The following CACNA2D1 variants were observed in gnomAD, a reference collection of about 807,000 sequenced individuals.
CACNA2D1 encodes calcium voltage-gated channel auxiliary subunit alpha2delta 1, also known as voltage-dependent calcium channel subunit alpha-2/delta-1.
Under a neutral mutation model 171.5 loss-of-function variants are expected in CACNA2D1, and 53 were observed. The ratio of observed to expected loss-of-function variants is 0.31; its 90% CI spans 0.25 to 0.39. The LOEUF (loss-of-function observed/expected upper bound fraction) is 0.39. CACNA2D1 is among the 10% of genes least tolerant of loss of function. The pLI is 1.00. For missense variants in CACNA2D1, 903 were observed against 1,299.8 expected, an observed-to-expected ratio of 0.69 and a Z score of 4.69; for synonymous variants, 442 against 443.1, an observed-to-expected ratio of 1.00 and a Z score of 0.03.
chr7:81,984,147 T>G (rs1796719427), intron 22 of CACNA2D1, among the ~76,000 whole-genome samples: 1 of 152,102 alleles, frequency 6.6e-6, no homozygotes, highest in African/African-American at 2.4e-5. Context: ...CAAAGACCAG[T>G]GCAATTTAAT....
rs869125211 is a variant in CACNA2D1 at position 82,111,444 on chromosome 7, A to AT, written c.526+5599dup. Among the ~76,000 whole-genome samples, 351 of 69,960 alleles carry AT rather than the reference A, an allele frequency of 5.0e-3. 17 individuals are homozygous for AT. Among genetic ancestry groups the AT allele is most frequent in the East Asian group, 0.011 (24 of 2,128 alleles). The allele number at this position is 69,960 out of a possible 152,430, so 45.9% of individuals were successfully genotyped here. A position where few individuals can be genotyped will look rare whatever the true frequency, so the allele number is the denominator to read the frequency against. On this transcript the variant is annotated intron_variant, in intron 6 of 38. Coordinates refer to ENST00000356860, the MANE Select transcript of CACNA2D1 (RefSeq NM_000722.4). Reference sequence around the variant, plus strand: ...TATATGTGTGTATATATATATATATATTTTTTTTTTTTTTTTTTTTTGAGA... The same window carrying AT: ...TATATGTGTGTATATATATATATATATTTTTTTTTTTTTTTTTTTTTTGAGA...
chr7:82,002,031 A>AAC (rs1217453809), intron 18 of CACNA2D1, among the ~76,000 whole-genome samples: 3 of 150,130 alleles, frequency 2.0e-5, no homozygotes, highest in Non-Finnish European at 4.4e-5. Context: ...CAAAAAAAAA[A>AAC]AAAAAAAAAA....
intron 28 of CACNA2D1, among the ~76,000 whole-genome samples, 174 bp downstream of exon 28, chr7:81,969,707 C>CAACTA (rs1274612019): frequency 6.6e-6 from 1 of 151,254 alleles, no homozygotes; most frequent in Admixed American, 6.6e-5. Flanking sequence ...TTTGCTTCTT[C>CAACTA]AACTAAATGA....
chr7:82,339,470 G>C (rs1291041594), intron 2 of CACNA2D1, among the ~76,000 whole-genome samples: 1 of 152,162 alleles, frequency 6.6e-6, no homozygotes, highest in Non-Finnish European at 1.5e-5. Flanking sequence ...TGAAATAGGA[G>C]CTCCCTTACA....
chr7:82,298,033 A>G (rs1585389007), intron 3 of CACNA2D1, among the ~76,000 whole-genome samples: 1 of 152,120 alleles, frequency 6.6e-6, no homozygotes, highest in East Asian at 2.0e-4. Flanking sequence ...TATGAAATAC[A>G]TCACTAACTA....
rs919583315 is a variant in CACNA2D1 at position 81,983,191 on chromosome 7, G to C, written c.1894+123C>G. 4 of 807,594 alleles carry C rather than the reference G, an allele frequency of 5.0e-6. No homozygotes were observed. In the Admixed American group the frequency reaches 8.8e-5, roughly 18 times the overall value. 50.0% of individuals were successfully genotyped at this position (807,594 alleles called of 1,614,324 possible). A position where few individuals can be genotyped will look rare whatever the true frequency, so the allele number is the denominator to read the frequency against. ...ATTTTTTTGCTGCTAAGTTTTGAGTGATCATGAAGGAAAATTTAGCAAATG... is the reference window on the plus strand; with the variant it reads ...ATTTTTTTGCTGCTAAGTTTTGAGTCATCATGAAGGAAAATTTAGCAAATG... On this transcript the variant is annotated intron_variant, in intron 23 of 38. Coordinates refer to ENST00000356860, the MANE Select transcript of CACNA2D1 (RefSeq NM_000722.4).
intron 21 of CACNA2D1, among the ~76,000 whole-genome samples, chr7:81,985,196 CTTTTTTTT>C (rs774555240): frequency 1.9e-5 from 2 of 104,192 alleles, no homozygotes; most frequent in Non-Finnish European, 3.6e-5. Context: ...ATTATCATTA[CTTTTTTTT>C]TTTTTTTTTT....
chr7:82,090,501 C>A (rs1811029328), intron 6 of CACNA2D1, among the ~76,000 whole-genome samples: 2 of 151,852 alleles, frequency 1.3e-5, no homozygotes, highest in South Asian at 4.2e-4. Context: ...CTATTACAGC[C>A]TTGCATTGAG....
At chr7:82,436,862 C>T (rs928013695) in intron 1 of CACNA2D1, among the ~76,000 whole-genome samples, 1 of 152,114 alleles carries the variant, frequency 6.6e-6, no homozygotes, top group Non-Finnish European at 1.5e-5. Flanking sequence ...ATTTAACCAT[C>T]CCTTCACATA....
intron 6 of CACNA2D1, among the ~76,000 whole-genome samples, chr7:82,092,861 C>A (rs377528725): frequency 6.6e-6 from 1 of 151,238 alleles, no homozygotes; most frequent in African/African-American, 2.4e-5. Flanking sequence ...TTCATTTAGA[C>A]CTTAAAAAGA....
chr7:82,144,427 C>A (rs1792746256), intron 4 of CACNA2D1, among the ~76,000 whole-genome samples: 2 of 152,066 alleles, frequency 1.3e-5, no homozygotes, highest in African/African-American at 4.8e-5. Context: ...ATTTCTTCAT[C>A]ATCCCCTTTT....
chr7:82,308,553 A>G (rs565341833), intron 3 of CACNA2D1, among the ~76,000 whole-genome samples: 2 of 152,320 alleles, frequency 1.3e-5, no homozygotes, highest in Non-Finnish European at 1.5e-5. Context: ...TGGATCTTCC[A>G]AATACAACTC....
chr7:82,006,697 C>T (rs891415541), intron 16 of CACNA2D1, among the ~76,000 whole-genome samples: 1 of 152,020 alleles, frequency 6.6e-6, no homozygotes, highest in African/African-American at 2.4e-5. Context: ...TCTTAGTTCA[C>T]AGTGAGATCT....
intron 1 of CACNA2D1, among the ~76,000 whole-genome samples, chr7:82,366,109 G>T (rs1821672583): frequency 6.6e-6 from 1 of 152,138 alleles, no homozygotes; most frequent in Non-Finnish European, 1.5e-5. Flanking sequence ...AGATATATAG[G>T]CCCATATACT....
intron 18 of CACNA2D1, among the ~76,000 whole-genome samples, chr7:82,002,629 T>C (rs1798724557): frequency 6.6e-6 from 1 of 152,186 alleles, no homozygotes; most frequent in Non-Finnish European, 1.5e-5. Flanking sequence ...ACATATTTCT[T>C]AGAATTGAAC....
intron 10 of CACNA2D1, among the ~76,000 whole-genome samples, chr7:82,060,221 T>A (rs1438145513): frequency 1.7e-5 from 1 of 60,134 alleles, no homozygotes; most frequent in East Asian, 5.3e-4. Context: ...AATATATATA[T>A]AATATATATA....
At chr7:81,952,521 T>C (rs1175943969) in intron 38 of CACNA2D1, among the ~76,000 whole-genome samples, 2 of 152,156 alleles carry the variant, frequency 1.3e-5, no homozygotes, top group Non-Finnish European at 2.9e-5. Flanking sequence ...TTCTTAGTCT[T>C]CATCCTCTTT....
At chr7:82,241,929 T>C (rs1804351494) in intron 3 of CACNA2D1, among the ~76,000 whole-genome samples, 4 of 152,186 alleles carry the variant, frequency 2.6e-5, no homozygotes, top group Admixed American at 2.6e-4. Context: ...ACATATTACT[T>C]TCTGGACTAT....
At chr7:82,314,316 T>G (rs1007580051) in intron 3 of CACNA2D1, among the ~76,000 whole-genome samples, 1 of 152,200 alleles carries the variant, frequency 6.6e-6, no homozygotes, top group African/African-American at 2.4e-5. Context: ...CAACTTGTAT[T>G]CACAATGCTG....
Sources: allele counts gnomAD v4.1 joint callset (sites outside exome capture counted in the v4.1 genomes callset), GRCh38; gene constraint gnomAD v4.1.1; transcripts MANE v1.5; gene names NCBI Gene and HGNC (gene_info 2026-07-23, HGNC 2026-07-21).